Variants in TRPM6 observed in about 807,000 individuals in gnomAD.
TRPM6 encodes the protein transient receptor potential cation channel subfamily M member 6, also known as channel kinase 2.
Under a neutral mutation model 247.6 loss-of-function variants are expected in TRPM6, and 111 were observed. The observed-to-expected ratio is 0.45, with a 90% CI of 0.38 to 0.52. The LOEUF is 0.52. TRPM6 is among the 20% of genes least tolerant of loss of function. The pLI is 0.00. For missense variants in TRPM6, 2,126 were observed against 2,421.5 expected (o/e 0.88, Z 2.56); for synonymous variants, 892 against 853.8 (o/e 1.04, Z -0.78).
At chr9:74,801,374 T>C (rs915129517) in intron 16 of TRPM6, among the ~76,000 whole-genome samples, 1 of 149,720 alleles carries the variant, frequency 6.7e-6, no homozygotes, top group Non-Finnish European at 1.5e-5. Context: ...TACATCAAAA[T>C]TATAAATTAG....
rs372619852 is a variant in TRPM6 at position 74,782,731 on chromosome 9, T to C, written c.3042A>G (p.Val1014=). ...PPSWSLARDI[V]FEPYWMIYGE... is the part of the protein sequence containing the mutation. ...CGTATATCATCCAGTATGGCTCAAA[T>C]ACAATATCTCGAGCTAGACTCCAAG... The change falls in exon 22 of 39, where the codon GTA becomes GTG. Residue 1014 remains valine (V), a synonymous_variant. Transcript: ENST00000360774. 7.4e-6 allele frequency: 12 copies of C among 1,614,186 alleles called. No individual in the cohort carries two copies. In the African/African-American group the frequency reaches 1.5e-4, roughly 20 times the overall value.
intron 23 of TRPM6, among the ~76,000 whole-genome samples, chr9:74,781,892 G>C (rs1827473218): frequency 6.6e-6 from 1 of 152,144 alleles, no homozygotes; most frequent in Non-Finnish European, 1.5e-5. Flanking sequence ...AATATTTGGG[G>C]AAAAGAAAAG....
intron 25 of TRPM6, among the ~76,000 whole-genome samples, chr9:74,767,576 A>C (rs1446249610): frequency 6.6e-6 from 1 of 152,170 alleles, no homozygotes; most frequent in Non-Finnish European, 1.5e-5. Flanking sequence ...CTCATTTATG[A>C]GGTCCATATA....
chr9:74,799,712 T>C (rs1276237514), intron 17 of TRPM6, among the ~76,000 whole-genome samples: 1 of 152,196 alleles, frequency 6.6e-6, no homozygotes, highest in Non-Finnish European at 1.5e-5. Flanking sequence ...CTAGTAATAA[T>C]GAAATCTTGC....
chr9:74,784,342 G>A (rs953813878), intron 21 of TRPM6, among the ~76,000 whole-genome samples: 1 of 152,048 alleles, frequency 6.6e-6, no homozygotes, highest in African/African-American at 2.4e-5. Flanking sequence ...TGACAGACTG[G>A]AGCTAGGTGG....
chr9:74,742,552 G>C lies in TRPM6; in HGVS notation c.5200+9C>G. The C allele has an allele frequency of 6.2e-7, 1 of 1,613,044 alleles. No individual in the cohort carries two copies. The highest frequency in any genetic ancestry group is 8.5e-7 in the Non-Finnish European group (1 of 1,179,162). Reference sequence around the variant, plus strand: ...GGCATAAACTCAAGAAGGTAGAAATGCTACTCACCAAACAGTTGGACTGGT... The same window carrying C: ...GGCATAAACTCAAGAAGGTAGAAATCCTACTCACCAAACAGTTGGACTGGT... On this transcript the variant is annotated intron_variant, in intron 33 of 38. Coordinates refer to ENST00000360774, the MANE Select transcript of TRPM6 (RefSeq NM_017662.5).
At chr9:74,801,834 T>A (rs1359309766) in intron 16 of TRPM6, 64 bp downstream of exon 16, 1 of 1,587,212 alleles carries the variant, frequency 6.3e-7, no homozygotes, top group Non-Finnish European at 8.6e-7. Flanking sequence ...ATGAGAGAGA[T>A]AAAAGTGTCT....
At chr9:74,817,670 C>T (rs1306871490) in intron 9 of TRPM6, among the ~76,000 whole-genome samples, 2 of 152,160 alleles carry the variant, frequency 1.3e-5, no homozygotes, top group Non-Finnish European at 1.5e-5. Flanking sequence ...GAGGCACTTG[C>T]TCACCCGTTC....
rs1403124767 is a variant in TRPM6 at position 74,755,454 on chromosome 9, C to T, written c.4805G>A (p.Cys1602Tyr). Residue 1602 changes from cysteine to tyrosine, a missense_variant, in exon 28 of 39, where the codon TGC (cysteine) becomes TAC (tyrosine). Physicochemically the swap from Cys to Tyr is radical, Grantham distance 194. This residue lies in a region of TRPM6 where 717 missense variants were observed against 715.9 expected (regional missense o/e 1.00). Transcript: ENST00000360774. ...TGGATTCAACTGGTCACTCTGAGAGCAGGCATTGACTGTTATGATCTGGAG... is the reference window on the plus strand; with the variant it reads ...TGGATTCAACTGGTCACTCTGAGAGTAGGCATTGACTGTTATGATCTGGAG... ...LQVPIITVNA[C>Y]SQSDQLNPEP... 1 of 1,614,040 alleles carries T rather than the reference C, an allele frequency of 6.2e-7. No homozygotes were observed. The highest frequency in any genetic ancestry group is 8.5e-7 in the Non-Finnish European group (1 of 1,180,018).
chr9:74,755,525 G>A, intron 27 of TRPM6, 52 bp from the exon 28 acceptor site: 1 of 1,610,592 alleles, frequency 6.2e-7, no homozygotes. Flanking sequence ...CAAAAGCACT[G>A]TGAGTCACAC....
At chr9:74,743,025 A>T (rs1333807265) in intron 32 of TRPM6, among the ~76,000 whole-genome samples, 1 of 152,228 alleles carries the variant, frequency 6.6e-6, no homozygotes, top group African/African-American at 2.4e-5. Context: ...CACTTTGCAC[A>T]GTTCATCTTC....
At chr9:74,887,702 T>TC in intron 1 of TRPM6, 122 bp downstream of exon 1, 1 of 1,610,856 alleles carries the variant, frequency 6.2e-7, no homozygotes, top group Non-Finnish European at 8.5e-7. Flanking sequence ...ATCCTAGCTA[T>TC]TCTAGATCCT....
At chr9:74,776,267 A>C in intron 23 of TRPM6, 191 bp from the exon 24 acceptor site, 1 of 578,720 alleles carries the variant, frequency 1.7e-6, no homozygotes, top group Non-Finnish European at 3.2e-6. Context: ...ACAATGAAAC[A>C]TGCTAATCAG....
At chr9:74,886,895 C>G (rs968411851) in intron 1 of TRPM6, among the ~76,000 whole-genome samples, 2 of 152,208 alleles carry the variant, frequency 1.3e-5, no homozygotes, top group Non-Finnish European at 2.9e-5. Context: ...AGCATATGTT[C>G]TTATCAGAGC....
chr9:74,817,070 C>T (rs1828960179), intron 9 of TRPM6, 106 bp from the exon 10 acceptor site: 2 of 1,060,732 alleles, frequency 1.9e-6, no homozygotes, highest in East Asian at 2.4e-5. Context: ...TTGAGGAAAA[C>T]ATTCTTCTTT....
At position 74,744,162 on chromosome 9, in the gene TRPM6, GA is replaced by G. The variant is rs771038947; in HGVS notation, c.5084-18del. ...CTGAGATCTCTGAAATTAGAGAGGA[GA>G]TTGGCATTTTAATTACATGGCTGGA... On this transcript the variant is annotated intron_variant, in intron 31 of 38. Transcript: ENST00000360774. 17 of 1,613,080 alleles carry G rather than the reference GA, an allele frequency of 1.1e-5. No homozygotes were observed. Among genetic ancestry groups the G allele is most frequent in the Non-Finnish European group, 1.4e-5 (17 of 1,179,138 alleles).
At chr9:74,763,161 AAC>A (rs1438638952) in intron 25 of TRPM6, 27 bp from the exon 26 acceptor site, 1 of 1,601,006 alleles carries the variant, frequency 6.2e-7, no homozygotes, top group Non-Finnish European at 8.5e-7. Flanking sequence ...GGAGAAAACC[AAC>A]AAGCACATTA....
chr9:74,850,329 G>T (rs956590473), intron 3 of TRPM6, among the ~76,000 whole-genome samples: 1 of 152,064 alleles, frequency 6.6e-6, no homozygotes, highest in East Asian at 1.9e-4. Flanking sequence ...GCGAGATTGG[G>T]CCATTGCGCT....
intron 25 of TRPM6, 42 bp downstream of exon 25, chr9:74,771,661 T>C (rs755358782): frequency 2.5e-6 from 4 of 1,602,600 alleles, no homozygotes; most frequent in East Asian, 4.5e-5. Flanking sequence ...AGAATCACGT[T>C]GTGTTAGTGG....
Sources: allele counts gnomAD v4.1 joint callset (sites outside exome capture counted in the v4.1 genomes callset), GRCh38; gene constraint gnomAD v4.1.1; regional missense constraint gnomAD v4.1.1; transcripts MANE v1.5; gene names NCBI Gene and HGNC (gene_info 2026-07-23, HGNC 2026-07-21).